Variants in CNTN4 observed in about 807,000 individuals in gnomAD.
CNTN4 encodes the protein contactin-4.
CNTN4 carries 77 observed loss-of-function variants against 122.5 expected under a neutral mutation model. The ratio of observed to expected loss-of-function variants is 0.63; its 90% CI spans 0.52 to 0.76. The LOEUF is 0.76. CNTN4 is among the 30% of genes least tolerant of loss of function. The probability of loss-of-function intolerance (pLI) is 0.00; values close to 1 mark genes in which losing one functional copy is unlikely to be tolerated. For missense variants in CNTN4, 1,256 were observed against 1,259.1 expected (o/e 1.00, Z 0.04); for synonymous variants, 512 against 447.0 (o/e 1.15, Z -1.83).
intron 4 of CNTN4, among the ~76,000 whole-genome samples, chr3:2,683,823 T>A (rs980702): frequency 0.057 from 8,742 of 152,218 alleles, 328 homozygotes; most frequent in African/African-American, 0.089. Context: ...CGTCCTTTTA[T>A]CACCACCTGC....
At chr3:2,774,191 G>T (rs188759516) in intron 6 of CNTN4, among the ~76,000 whole-genome samples, 1 of 152,070 alleles carries the variant, frequency 6.6e-6, no homozygotes, top group African/African-American at 2.4e-5. Flanking sequence ...AACCTGGGAG[G>T]TGGAGGTTGC....
rs531024564 is a variant in CNTN4 at position 2,435,218 on chromosome 3, C to T, written c.-89+95985C>T. Among the ~76,000 whole-genome samples the T allele has an allele frequency of 3.9e-4, 59 of 152,150 alleles. 1 individual carries two copies. The highest frequency in any genetic ancestry group is 1.2e-3 in the African/African-American group (51 of 41,534). ...AAACTTAAATATAAATACAGTCATC[C>T]CTCAGTGTCTGCGAGGAATTGCTTC... On this transcript the variant is annotated intron_variant, in intron 3 of 24. Coordinates refer to ENST00000418658, the MANE Select transcript of CNTN4 (RefSeq NM_175607.3).
chr3:2,486,958 A>G (rs1431436091), intron 3 of CNTN4, among the ~76,000 whole-genome samples: 1 of 152,200 alleles, frequency 6.6e-6, no homozygotes, highest in East Asian at 1.9e-4. Context: ...CTTTTTTAAA[A>G]AAAATAAGTT....
intron 4 of CNTN4, among the ~76,000 whole-genome samples, chr3:2,667,217 A>G (rs1465886631): frequency 6.6e-6 from 1 of 152,170 alleles, no homozygotes; most frequent in Admixed American, 6.5e-5. Flanking sequence ...ACAGTGTAAA[A>G]GTGTTCCTAT....
At chr3:2,636,710 T>C (rs1255230781) in intron 4 of CNTN4, among the ~76,000 whole-genome samples, 1 of 152,102 alleles carries the variant, frequency 6.6e-6, no homozygotes, top group Non-Finnish European at 1.5e-5. Context: ...CCAATAGAGG[T>C]AGATAAATTT....
intron 2 of CNTN4, among the ~76,000 whole-genome samples, chr3:2,118,795 A>T (rs13317059): frequency 1.3e-5 from 2 of 152,220 alleles, no homozygotes; most frequent in African/African-American, 4.8e-5. Flanking sequence ...GTCCGAATGC[A>T]TGCTTATTAG....
At chr3:2,776,588 A>T (rs1326620957) in intron 6 of CNTN4, among the ~76,000 whole-genome samples, 2 of 152,180 alleles carry the variant, frequency 1.3e-5, no homozygotes, top group African/African-American at 4.8e-5. Flanking sequence ...TTTGTGTGAC[A>T]TGCCCTCTAC....
At chr3:2,679,019 T>C (rs911150274) in intron 4 of CNTN4, among the ~76,000 whole-genome samples, 2 of 152,228 alleles carry the variant, frequency 1.3e-5, no homozygotes, top group Non-Finnish European at 2.9e-5. Context: ...ATATCTGTTT[T>C]GAATTTCAGT....
intron 3 of CNTN4, among the ~76,000 whole-genome samples, chr3:2,445,076 G>A (rs1366532848): frequency 6.6e-6 from 1 of 151,668 alleles, no homozygotes; most frequent in Non-Finnish European, 1.5e-5. Flanking sequence ...GTGATTGAGT[G>A]TCCATTTAAG....
intron 15 of CNTN4, among the ~76,000 whole-genome samples, chr3:3,027,762 G>A (rs1005092709): frequency 6.6e-5 from 10 of 152,144 alleles, no homozygotes; most frequent in Non-Finnish European, 1.0e-4. Context: ...CCGACCAATC[G>A]AAGTGGACGT....
intron 13 of CNTN4, among the ~76,000 whole-genome samples, chr3:2,932,140 C>G (rs932977777): frequency 6.6e-6 from 1 of 151,978 alleles, no homozygotes; most frequent in Admixed American, 6.6e-5. Flanking sequence ...CACTTTGGGA[C>G]GTCGAGGCAG....
At chr3:2,913,739 G>A (rs1211124531) in intron 12 of CNTN4, among the ~76,000 whole-genome samples, 1 of 152,262 alleles carries the variant, frequency 6.6e-6, no homozygotes, top group East Asian at 1.9e-4. Context: ...TTTCAATCAT[G>A]GATAGAACAG....
intron 3 of CNTN4, among the ~76,000 whole-genome samples, chr3:2,370,535 G>A (rs574952995): frequency 6.6e-6 from 1 of 152,226 alleles, no homozygotes; most frequent in Non-Finnish European, 1.5e-5. Context: ...GTTCCTGTTT[G>A]ATCTGACAAC....
chr3:2,795,494 CTTATA>C (rs1214993638), intron 6 of CNTN4, among the ~76,000 whole-genome samples: 1 of 150,452 alleles, frequency 6.6e-6, no homozygotes, highest in Non-Finnish European at 1.5e-5. Context: ...TCTTAGCAGT[CTTATA>C]TTAGAGTAAC....
chr3:2,752,552 A>T (rs2090146093), intron 6 of CNTN4, among the ~76,000 whole-genome samples: 1 of 152,000 alleles, frequency 6.6e-6, no homozygotes, highest in African/African-American at 2.4e-5. Flanking sequence ...TTTTATAGAG[A>T]CAGGGTTTCA....
At chr3:2,202,778 G>A (rs1309654207) in intron 2 of CNTN4, among the ~76,000 whole-genome samples, 1 of 151,654 alleles carries the variant, frequency 6.6e-6, no homozygotes, top group East Asian at 1.9e-4. Flanking sequence ...CTATTATTAG[G>A]TGCTTATTTA....
chr3:2,238,175 T>C (rs2039757689), intron 2 of CNTN4, among the ~76,000 whole-genome samples: 1 of 152,172 alleles, frequency 6.6e-6, no homozygotes, highest in Non-Finnish European at 1.5e-5. Flanking sequence ...ATATGTACCA[T>C]TTTATTTAAA....
intron 3 of CNTN4, among the ~76,000 whole-genome samples, chr3:2,420,540 A>G (rs193264302): frequency 7.2e-5 from 11 of 152,084 alleles, no homozygotes; most frequent in South Asian, 2.1e-4. Flanking sequence ...GGTTCAAGCA[A>G]TTCTTGGGCC....
At chr3:2,137,252 A>G (rs2034738615) in intron 2 of CNTN4, among the ~76,000 whole-genome samples, 1 of 152,188 alleles carries the variant, frequency 6.6e-6, no homozygotes, top group Non-Finnish European at 1.5e-5. Flanking sequence ...ATAGTGGCAC[A>G]TTTCATATTG....
Sources: gnomAD v4.1 joint callset for allele counts (sites outside exome capture counted in the v4.1 genomes callset) on GRCh38, gnomAD v4.1.1 for gene constraint, MANE v1.5 for transcripts, NCBI Gene and HGNC (gene_info 2026-07-23, HGNC 2026-07-21) for gene names.